SEC24A: variants seen among roughly 807,000 people sequenced by gnomAD.
SEC24A encodes the protein protein transport protein Sec24A.
Under a neutral mutation model 129.4 loss-of-function variants are expected in SEC24A, and 93 were observed. That is an observed-to-expected ratio of 0.72 (90% CI 0.61 to 0.85). The LOEUF (loss-of-function observed/expected upper bound fraction) is 0.85. Ranked by LOEUF, SEC24A falls within the 40% of genes least tolerant of loss-of-function variation. The probability of loss-of-function intolerance (pLI) is 0.00; values close to 1 mark genes in which losing one functional copy is unlikely to be tolerated. For synonymous variants in SEC24A, 460 were observed against 467.3 expected (o/e 0.98, Z 0.20); for missense variants, 1,264 against 1,307.4 (o/e 0.97, Z 0.51).
intron 7 of SEC24A, among the ~76,000 whole-genome samples, chr5:134,678,956 C>T (rs1430444814): frequency 6.6e-6 from 1 of 152,170 alleles, no homozygotes; most frequent in Non-Finnish European, 1.5e-5. Flanking sequence ...CTCAAGTAAT[C>T]TTCCTGCCTT....
At chr5:134,723,743 C>CA (rs200031714) in intron 22 of SEC24A, 73 bp downstream of exon 22, 540 of 745,844 alleles carry the variant, frequency 7.2e-4, no homozygotes, top group South Asian at 1.1e-3. Context: ...AAGAGTATAG[C>CA]AAAAAAAAAG....
chr5:134,679,715 T>C lies in SEC24A; in HGVS notation c.1368T>C (p.Tyr456=), dbSNP rs1751196494. The part of the protein sequence containing the change: ...DQRRWKCNLC[Y]RVNDVPEEFL... ...GGAGATGGAAGTGTAACTTATGTTA[T>C]CGAGTCAATGATGGTATGGGATGCT... The change falls in exon 8 of 23, where the codon TAT becomes TAC. Residue 456 remains tyrosine (Y), a synonymous_variant. Coordinates refer to ENST00000398844, the MANE Select transcript of SEC24A (RefSeq NM_021982.3). 1 of 1,592,954 alleles carries C rather than the reference T, an allele frequency of 6.3e-7. No homozygotes were observed.
intron 13 of SEC24A, 137 bp downstream of exon 13, chr5:134,694,070 AT>A (rs1383234533): frequency 8.7e-6 from 6 of 691,242 alleles, no homozygotes; most frequent in Admixed American, 3.1e-5. Context: ...TTATGTAGAC[AT>A]TTTTATTTTG....
intron 9 of SEC24A, among the ~76,000 whole-genome samples, chr5:134,686,219 T>C (rs1751445550): frequency 6.6e-6 from 1 of 151,832 alleles, no homozygotes; most frequent in Non-Finnish European, 1.5e-5. Context: ...TGAACCTTGC[T>C]AATACTCCCA....
chr5:134,670,399 A>G (rs1253129519), intron 3 of SEC24A, among the ~76,000 whole-genome samples: 8 of 152,222 alleles, frequency 5.3e-5, no homozygotes, highest in Non-Finnish European at 1.2e-4. Flanking sequence ...GTGTTAATAC[A>G]GCTATTGAAG....
chr5:134,720,422 C>A (rs773661308), intron 20 of SEC24A, among the ~76,000 whole-genome samples: 2 of 152,126 alleles, frequency 1.3e-5, no homozygotes, highest in African/African-American at 4.8e-5. Flanking sequence ...CTTAACAACA[C>A]GTTTCTCAGC....
intron 11 of SEC24A, among the ~76,000 whole-genome samples, 175 bp from the exon 12 acceptor site, chr5:134,692,427 G>T (rs1043038488): frequency 6.6e-6 from 1 of 152,160 alleles, no homozygotes; most frequent in Admixed American, 6.6e-5. Context: ...GTAGATACCT[G>T]TATCATTGTG....
intron 3 of SEC24A, among the ~76,000 whole-genome samples, chr5:134,671,236 A>G (rs1750847727): frequency 6.6e-6 from 1 of 151,696 alleles, no homozygotes; most frequent in Non-Finnish European, 1.5e-5. Context: ...TTTTTTTTGT[A>G]TTTTTAGTAG....
Position 134,705,070 on chromosome 5 carries a change from T to TTATATA in SEC24A, c.2441-241_2441-236dup, listed in dbSNP as rs764489420. 6.3e-3 allele frequency among the ~76,000 whole-genome samples: 842 copies of TTATATA among 133,284 alleles called. 10 individuals are homozygous for TTATATA. The highest frequency in any genetic ancestry group is 0.022 in the African/African-American group (789 of 35,446). The allele number at this position is 133,284 out of a possible 152,430, so 87.4% of individuals were successfully genotyped here. Reference sequence around the variant, plus strand: ...GAAAAGAAGTTATTTATATTTATATTTATATATATATATATATATATTTTT... The same window carrying TTATATA: ...GAAAAGAAGTTATTTATATTTATATTTATATATATATATATATATATATATATTTTT... On this transcript the variant is annotated intron_variant, in intron 16 of 22. Coordinates refer to ENST00000398844, the MANE Select transcript of SEC24A (RefSeq NM_021982.3).
intron 7 of SEC24A, among the ~76,000 whole-genome samples, chr5:134,677,833 C>CAA (rs112969795): frequency 2.7e-5 from 3 of 111,498 alleles, no homozygotes; most frequent in South Asian, 2.8e-4. Flanking sequence ...GAGACTGTCT[C>CAA]AAAAAAAAAA....
At position 134,677,515 on chromosome 5, in the gene SEC24A, G is replaced by C. The variant is rs375741121; in HGVS notation, c.1254+1390G>C. On this transcript the variant is annotated intron_variant, in intron 7 of 22. Transcript: ENST00000398844. ...AGCAGAGTCTTAACTGCATTGCCCA[G>C]GATTGGGTATGAGATCCTTATCTTA... Among the ~76,000 whole-genome samples the C allele has an allele frequency of 8.6e-4, 127 of 147,920 alleles. 1 individual carries two copies. The South Asian group carries it at 0.026, about 31-fold the overall frequency.
intron 8 of SEC24A, 24 bp downstream of exon 8, chr5:134,679,752 T>A (rs763556437): frequency 2.0e-6 from 3 of 1,537,432 alleles, no homozygotes. Context: ...TTTTGAAACA[T>A]TTAAACGTTT....
chr5:134,715,970 G>A (rs1204415903), intron 19 of SEC24A, among the ~76,000 whole-genome samples: 2 of 151,960 alleles, frequency 1.3e-5, no homozygotes, highest in South Asian at 2.1e-4. Context: ...AGATCTGAGA[G>A]TGAAATTACA....
intron 11 of SEC24A, among the ~76,000 whole-genome samples, chr5:134,691,727 C>T (rs548718194): frequency 1.7e-4 from 26 of 151,898 alleles, no homozygotes; most frequent in African/African-American, 4.1e-4. Context: ...CCTTGTGATC[C>T]GCCCGCGTCG....
At chr5:134,705,068 ATT>A (rs199920892) in intron 16 of SEC24A, among the ~76,000 whole-genome samples, 167 of 123,560 alleles carry the variant, frequency 1.4e-3, no homozygotes, top group South Asian at 2.1e-3. Flanking sequence ...TTATATTTAT[ATT>A]TATATATATA....
rs893107766 is a variant in SEC24A at position 134,727,225 on chromosome 5, T to C, written c.*2131T>C. ...ACTTTTTGATGTAAAGCGACTAATA[T>C]TTACACTATGCCATATTTTTTTTAA... On this transcript the variant is annotated 3_prime_UTR_variant, in exon 23 of 23. Transcript: ENST00000398844. The C allele has an allele frequency of 1.3e-5, 2 of 152,572 alleles. No homozygotes were observed. The highest frequency in any genetic ancestry group is 2.9e-5 in the Non-Finnish European group (2 of 67,994). The allele number at this position is 152,572 out of a possible 1,614,324, so 9.5% of individuals were successfully genotyped here. A position where few individuals can be genotyped will look rare whatever the true frequency, so the allele number is the denominator to read the frequency against.
chr5:134,722,941 C>T (rs1752665250), intron 21 of SEC24A, among the ~76,000 whole-genome samples: 1 of 151,938 alleles, frequency 6.6e-6, no homozygotes, highest in African/African-American at 2.4e-5. Flanking sequence ...ATTGCTTAAG[C>T]CCAGGAGTTC....
chr5:134,693,908 A>T lies in SEC24A; in HGVS notation c.1961A>T (p.Glu654Val). ...LGVGALKPREEPNHRSSAKDI... is the reference protein window; with the variant it reads ...LGVGALKPREVPNHRSSAKDI... ...GTGGGAGCCCTGAAACCACGAGAGG[A>T]ACCAAACCACAGGTCATCTGCTAAG... The change falls in exon 13 of 23, where the codon GAA becomes GTA. Residue 654 changes from glutamate to valine, a missense_variant. Transcript: ENST00000398844. 6.2e-7 allele frequency: 1 copy of T among 1,614,106 alleles called. No individual in the cohort carries two copies. The highest frequency in any genetic ancestry group is 8.5e-7 in the Non-Finnish European group (1 of 1,179,998).
Position 134,721,099 on chromosome 5 carries a change from C to T in SEC24A, c.3063+9C>T. Reference sequence around the variant, plus strand: ...CAATTCCACAGCCTATGGTAAGACTCTTTTATTATAGTGATTATAAAGGGC... The same window carrying T: ...CAATTCCACAGCCTATGGTAAGACTTTTTTATTATAGTGATTATAAAGGGC... On this transcript the variant is annotated intron_variant, in intron 21 of 22. Coordinates refer to ENST00000398844, the MANE Select transcript of SEC24A (RefSeq NM_021982.3). 6.6e-7 allele frequency: 1 copy of T among 1,518,288 alleles called. No individual in the cohort carries two copies. The allele number at this position is 1,518,288 out of a possible 1,614,324, so 94.1% of individuals were successfully genotyped here.
Sources: gnomAD v4.1 joint callset for allele counts (sites outside exome capture counted in the v4.1 genomes callset) on GRCh38, gnomAD v4.1.1 for gene constraint, MANE v1.5 for transcripts, NCBI Gene and HGNC (gene_info 2026-07-23, HGNC 2026-07-21) for gene names.